Variants in CADPS observed in about 807,000 individuals in gnomAD.
CADPS encodes the protein calcium dependent secretion activator.
In CADPS, 57 loss-of-function variants were observed where a neutral mutation model predicts 167.3. The observed-to-expected ratio is 0.34, with a 90% CI of 0.28 to 0.42. The LOEUF (loss-of-function observed/expected upper bound fraction) is 0.42. Ranked by LOEUF, CADPS falls within the 20% of genes least tolerant of loss-of-function variation. The pLI, the probability that CADPS is intolerant of heterozygous loss-of-function variation, is 1.00. For synonymous variants in CADPS, 676 were observed against 635.3 expected, an observed-to-expected ratio of 1.06 and a Z score of -0.96; for missense variants, 1,414 against 1,738.1, an observed-to-expected ratio of 0.81 and a Z score of 3.32.
intron 8 of CADPS, among the ~76,000 whole-genome samples, chr3:62,583,115 T>G (rs1384745780): frequency 5.3e-5 from 8 of 151,946 alleles, no homozygotes. Context: ...ATTCATATTC[T>G]GTTCTTTATT....
chr3:62,746,284 A>G (rs2081427269), intron 3 of CADPS, among the ~76,000 whole-genome samples: 1 of 152,184 alleles, frequency 6.6e-6, no homozygotes, highest in South Asian at 2.1e-4. Flanking sequence ...TTGACTCTAA[A>G]TTAATCTAAA....
At chr3:62,457,064 C>A (rs2058776999) in intron 26 of CADPS, among the ~76,000 whole-genome samples, 1 of 152,098 alleles carries the variant, frequency 6.6e-6, no homozygotes, top group Non-Finnish European at 1.5e-5. Context: ...CTATCTCTAC[C>A]ACTCTTAGTT....
At chr3:62,614,202 T>C (rs972112878) in intron 6 of CADPS, among the ~76,000 whole-genome samples, 2 of 152,152 alleles carry the variant, frequency 1.3e-5, no homozygotes, top group African/African-American at 4.8e-5. Flanking sequence ...ATCCTCACAG[T>C]GATGCTATGG....
At chr3:62,794,718 G>A (rs2093250003) in intron 1 of CADPS, among the ~76,000 whole-genome samples, 1 of 147,724 alleles carries the variant, frequency 6.8e-6, no homozygotes, top group African/African-American at 2.6e-5. Flanking sequence ...GGGCCCCGCG[G>A]ATACGTTTCT....
At chr3:62,626,461 G>C in intron 6 of CADPS, 1 of 701,338 alleles carries the variant, frequency 1.4e-6, no homozygotes, top group Non-Finnish European at 2.6e-6. Flanking sequence ...ATTGGGTACT[G>C]TGACTCTTCA....
chr3:62,592,719 G>T lies in CADPS; in HGVS notation c.1355C>A (p.Thr452Asn), dbSNP rs745586265. ...CACCTTCACAGCTGGCAGTGCATGG[G>T]TTGTGGAGAAGTCACCCTGGGTGCC... is the stretch of plus-strand genomic sequence containing the variant. The part of the protein sequence containing the change: ...TWGTQGDFST[T>N]HALPAVKVKL... The change falls in exon 7 of 30, where the codon ACC (threonine) becomes AAC (asparagine). Residue 452 changes from threonine (T) to asparagine (N), a missense_variant. Thr to Asn is a moderately conservative substitution (Grantham distance 65). Transcript: ENST00000383710. 1 of 1,614,126 alleles carries T rather than the reference G, an allele frequency of 6.2e-7. No individual in the cohort carries two copies. The highest frequency in any genetic ancestry group is 1.7e-5 in the Admixed American group (1 of 60,026).
At chr3:62,646,343 T>G (rs1328684814) in intron 5 of CADPS, among the ~76,000 whole-genome samples, 1 of 151,750 alleles carries the variant, frequency 6.6e-6, no homozygotes, top group Non-Finnish European at 1.5e-5. Context: ...TTTTTTTTTT[T>G]GTATTTTTAG....
intron 1 of CADPS, among the ~76,000 whole-genome samples, chr3:62,818,689 G>A (rs1220872419): frequency 6.6e-6 from 1 of 152,150 alleles, no homozygotes; most frequent in African/African-American, 2.4e-5. Flanking sequence ...ATTTACCTGA[G>A]ACATGGAAAC....
At chr3:62,711,918 C>A (rs1003544614) in intron 3 of CADPS, among the ~76,000 whole-genome samples, 12 of 152,154 alleles carry the variant, frequency 7.9e-5, no homozygotes, top group Middle Eastern at 3.2e-3. Flanking sequence ...TGAGTAAAAG[C>A]TTTTCAGTCC....
intron 21 of CADPS, among the ~76,000 whole-genome samples, chr3:62,482,334 C>T (rs182549350): frequency 4.6e-4 from 70 of 152,192 alleles, no homozygotes; most frequent in Admixed American, 1.0e-3. Context: ...CTCAATCAGA[C>T]GTTAGACACC....
At chr3:62,733,188 G>A (rs533791464) in intron 3 of CADPS, among the ~76,000 whole-genome samples, 18 of 152,024 alleles carry the variant, frequency 1.2e-4, no homozygotes, top group Non-Finnish European at 2.2e-4. Context: ...ATCACAGTTG[G>A]GGTCACCCAT....
At chr3:62,545,314 A>G (rs1003084140) in intron 11 of CADPS, among the ~76,000 whole-genome samples, 7 of 152,150 alleles carry the variant, frequency 4.6e-5, no homozygotes, top group African/African-American at 1.4e-4. Context: ...ACAGGGGATA[A>G]GGTATCTCAA....
chr3:62,757,655 T>C (rs962878469), intron 2 of CADPS, among the ~76,000 whole-genome samples: 1 of 152,186 alleles, frequency 6.6e-6, no homozygotes, highest in African/African-American at 2.4e-5. Context: ...AATAAAGATG[T>C]TGGCACTTGG....
intron 6 of CADPS, among the ~76,000 whole-genome samples, chr3:62,627,372 G>C (rs2064290339): frequency 6.6e-6 from 1 of 152,064 alleles, no homozygotes; most frequent in Admixed American, 6.6e-5. Flanking sequence ...CTTATGGCCT[G>C]TCTATAAAAA....
At chr3:62,866,414 A>G (rs1175535759) in intron 1 of CADPS, among the ~76,000 whole-genome samples, 1 of 152,086 alleles carries the variant, frequency 6.6e-6, no homozygotes, top group Non-Finnish European at 1.5e-5. Flanking sequence ...CTGAACACCT[A>G]CTACATGTCA....
At position 62,863,127 on chromosome 3, in the gene CADPS, G is replaced by C. The variant is rs72884011; in HGVS notation, c.441+11462C>G. 4.9e-3 allele frequency among the ~76,000 whole-genome samples: 744 copies of C among 152,274 alleles called. 3 individuals carry two copies. The highest frequency in any genetic ancestry group is 0.017 in the African/African-American group (700 of 41,556). On this transcript the variant is annotated intron_variant, in intron 1 of 29. Coordinates refer to ENST00000383710, the MANE Select transcript of CADPS (RefSeq NM_003716.4). ...ATACAATCTGTCAGACACCTGGGGA[G>C]ACTAAATGATCTCTGCAGTCAGGAG...
At chr3:62,680,043 G>A (rs1400670683) in intron 3 of CADPS, among the ~76,000 whole-genome samples, 1 of 151,990 alleles carries the variant, frequency 6.6e-6, no homozygotes, top group Non-Finnish European at 1.5e-5. Context: ...TACAGGCTAT[G>A]GGGAGCCACT....
At position 62,484,963 on chromosome 3, in the gene CADPS, T is replaced by A. The variant is rs184306768; in HGVS notation, c.3027-3094A>T. Reference sequence around the variant, plus strand: ...AGTGTTTGTTCTTAGGTCTAATCCCTACTTTGGGGCAGGGGCATTCTCTAA... The same window carrying A: ...AGTGTTTGTTCTTAGGTCTAATCCCAACTTTGGGGCAGGGGCATTCTCTAA... On this transcript the variant is annotated intron_variant, in intron 21 of 29. Transcript: ENST00000383710. Among the ~76,000 whole-genome samples the A allele has an allele frequency of 1.5e-3, 226 of 152,290 alleles. 3 individuals are homozygous for A. Among genetic ancestry groups the A allele is most frequent in the Non-Finnish European group, 3.5e-4 (24 of 68,022 alleles).
At chr3:62,686,500 G>C (rs928748640) in intron 3 of CADPS, among the ~76,000 whole-genome samples, 1 of 151,750 alleles carries the variant, frequency 6.6e-6, no homozygotes, top group African/African-American at 2.4e-5. Context: ...TCTCTTTTTT[G>C]TCCTGTGGCT....
Sources: allele counts gnomAD v4.1 joint callset (sites outside exome capture counted in the v4.1 genomes callset), GRCh38; gene constraint gnomAD v4.1.1; transcripts MANE v1.5; gene names NCBI Gene and HGNC (gene_info 2026-07-23, HGNC 2026-07-21).